The following PCDH7 variants were observed in gnomAD, a reference collection of about 807,000 sequenced individuals.
PCDH7 encodes protocadherin 7.
In PCDH7, 17 loss-of-function variants were observed where a neutral mutation model predicts 58.9. The ratio of observed to expected loss-of-function variants is 0.29; its 90% CI spans 0.20 to 0.43. PCDH7 has a LOEUF of 0.43. Among genes scored for constraint, PCDH7 ranks in the 20% least tolerant of loss-of-function variants. PCDH7 has a pLI of 1.00. For missense variants in PCDH7, 1,274 were observed against 1,441.0 expected, an observed-to-expected ratio of 0.88 and a Z score of 1.88; for synonymous variants, 664 against 616.4, an observed-to-expected ratio of 1.08 and a Z score of -1.14.
downstream of PCDH7, chr4:31,142,994 GCCT>G: frequency 2.2e-6 from 1 of 459,154 alleles, no homozygotes; most frequent in Non-Finnish European, 3.7e-6. Context: ...TCCAGATCAG[GCCT>G]TTAGTGATAC....
intron 2 of PCDH7, among the ~76,000 whole-genome samples, chr4:30,931,990 A>T (rs1336539911): frequency 6.6e-6 from 1 of 152,060 alleles, no homozygotes; most frequent in East Asian, 1.9e-4. Context: ...CAATTATTTG[A>T]CCATTTTACT....
At chr4:30,867,549 C>A (rs1735026303) in intron 1 of PCDH7, among the ~76,000 whole-genome samples, 1 of 151,966 alleles carries the variant, frequency 6.6e-6, no homozygotes, top group African/African-American at 2.4e-5. Context: ...GATCTCATCA[C>A]CTAAGCTGTA....
chr4:30,796,778 T>A (rs193017800), intron 1 of PCDH7, among the ~76,000 whole-genome samples: 30 of 152,294 alleles, frequency 2.0e-4, no homozygotes, highest in Admixed American at 3.9e-4. Flanking sequence ...CTTCTAGAGC[T>A]CTATTTTCCA....
chr4:30,737,513 T>C (rs1398158169), downstream of PCDH7, among the ~76,000 whole-genome samples: 1 of 148,578 alleles, frequency 6.7e-6, no homozygotes, highest in African/African-American at 2.5e-5. Context: ...AGATCCTGTC[T>C]CAAAAAATAC....
intron 3 of PCDH7, among the ~76,000 whole-genome samples, chr4:31,133,677 A>G (rs1719249021): frequency 1.3e-5 from 2 of 152,184 alleles, no homozygotes; most frequent in Non-Finnish European, 2.9e-5. Context: ...GATGTGCATA[A>G]ATTGATCGCT....
chr4:30,730,131 T>TAA (rs1715272258), intron 1 of PCDH7, among the ~76,000 whole-genome samples: 2 of 151,564 alleles, frequency 1.3e-5, no homozygotes, highest in Admixed American at 1.3e-4. Flanking sequence ...AATATATATA[T>TAA]AACTTTAAAT....
At position 30,968,710 on chromosome 4, in the gene PCDH7, T is replaced by C. The variant is rs547440190; in HGVS notation, c.*7+18495T>C. Reference sequence around the variant, plus strand: ...ACTGCCTAACAATTTGTAGTTTTCATGTCTCTGTGTGAACAAGAATGTCAC... The same window carrying C: ...ACTGCCTAACAATTTGTAGTTTTCACGTCTCTGTGTGAACAAGAATGTCAC... On this transcript the variant is annotated intron_variant, in intron 3 of 3. Transcript: ENST00000509759. 2.6e-5 allele frequency among the ~76,000 whole-genome samples: 4 copies of C among 152,230 alleles called. No individual in the cohort carries two copies. In the East Asian group the frequency reaches 7.7e-4, roughly 29 times the overall value.
intron 1 of PCDH7, among the ~76,000 whole-genome samples, chr4:30,742,634 T>G (rs1717229688): frequency 6.6e-6 from 1 of 152,118 alleles, no homozygotes; most frequent in Admixed American, 6.5e-5. Context: ...TAGTCCTAAT[T>G]ATTATATCAT....
chr4:31,014,771 A>G (rs1208557778), intron 3 of PCDH7, among the ~76,000 whole-genome samples: 2 of 152,156 alleles, frequency 1.3e-5, no homozygotes, highest in East Asian at 1.9e-4. Context: ...TTAGAATTGG[A>G]GTATCATTTA....
At chr4:31,139,392 C>T (rs990161441) in intron 3 of PCDH7, among the ~76,000 whole-genome samples, 3 of 152,108 alleles carry the variant, frequency 2.0e-5, no homozygotes, top group Non-Finnish European at 4.4e-5. Context: ...AACAACAGTA[C>T]TAAAGCATAA....
intron 1 of PCDH7, among the ~76,000 whole-genome samples, chr4:30,837,804 C>G (rs1374655): frequency 6.7e-6 from 1 of 150,090 alleles, no homozygotes; most frequent in African/African-American, 2.4e-5. Context: ...AAATGAAACT[C>G]TAATATAAGA....
rs117348217 is a variant in PCDH7 at position 30,972,815 on chromosome 4, T to G, written c.*7+22600T>G. Among the ~76,000 whole-genome samples, 42 of 152,220 alleles carry G rather than the reference T, an allele frequency of 2.8e-4. No individual in the cohort carries two copies. The East Asian group carries it at 7.7e-3, about 28-fold the overall frequency. On this transcript the variant is annotated intron_variant, in intron 3 of 3. Coordinates refer to the PCDH7 transcript ENST00000509759. The stretch of plus-strand genomic sequence containing the variant: ...CCCCACCCCACTCTACCACACGGAG[T>G]GTCAGACTCACTGGACAGCATAAAC...
At chr4:31,039,685 A>G (rs545735046) in intron 3 of PCDH7, among the ~76,000 whole-genome samples, 16 of 152,236 alleles carry the variant, frequency 1.1e-4, no homozygotes, top group African/African-American at 3.6e-4. Flanking sequence ...GACTCTACAC[A>G]TTCTAACTTT....
chr4:30,825,189 A>G (rs1386300189), intron 1 of PCDH7, among the ~76,000 whole-genome samples: 1 of 152,134 alleles, frequency 6.6e-6, no homozygotes, highest in Non-Finnish European at 1.5e-5. Context: ...TCCTCCCTCT[A>G]GTGCTTTGAC....
intron 1 of PCDH7, among the ~76,000 whole-genome samples, chr4:30,763,494 G>A (rs1313899641): frequency 1.3e-5 from 2 of 152,124 alleles, no homozygotes; most frequent in African/African-American, 2.4e-5. Flanking sequence ...AGATAAACAC[G>A]GAGGCTTAGA....
At chr4:30,970,051 C>T (rs1327758660) in intron 3 of PCDH7, among the ~76,000 whole-genome samples, 1 of 152,166 alleles carries the variant, frequency 6.6e-6, no homozygotes, top group Non-Finnish European at 1.5e-5. Context: ...CTCATTTTGC[C>T]TCACCCAATG....
At chr4:31,074,901 T>A (rs1445739623) in intron 3 of PCDH7, among the ~76,000 whole-genome samples, 1 of 151,030 alleles carries the variant, frequency 6.6e-6, no homozygotes, top group African/African-American at 2.4e-5. Context: ...GGAAAATTAA[T>A]AGGAATTAGG....
chr4:30,764,761 A>T (rs1720485812), intron 1 of PCDH7, among the ~76,000 whole-genome samples: 1 of 151,972 alleles, frequency 6.6e-6, no homozygotes. Flanking sequence ...TTGCTCTGTC[A>T]CCAGGCTGGA....
chr4:30,743,501 G>A (rs370556980), intron 1 of PCDH7, among the ~76,000 whole-genome samples: 2 of 151,962 alleles, frequency 1.3e-5, no homozygotes, highest in East Asian at 3.9e-4. Flanking sequence ...AAAACTGGGT[G>A]GGGGAGGGAC....
Sources: allele counts gnomAD v4.1 joint callset (sites outside exome capture counted in the v4.1 genomes callset), GRCh38; gene constraint gnomAD v4.1.1; transcripts MANE v1.5; gene names NCBI Gene and HGNC (gene_info 2026-07-23, HGNC 2026-07-21).